ARHGEF7: variants seen among roughly 807,000 people sequenced by gnomAD.
ARHGEF7 encodes the protein Rho guanine nucleotide exchange factor 7, also known as PAK-interacting exchange factor beta.
Under a neutral mutation model 109.8 loss-of-function variants are expected in ARHGEF7, and 33 were observed. The ratio of observed to expected loss-of-function variants is 0.30; its 90% CI spans 0.23 to 0.40. The LOEUF is 0.40. Ranked by LOEUF, ARHGEF7 falls within the 10% of genes least tolerant of loss-of-function variation. The pLI is 1.00. For synonymous variants in ARHGEF7, 458 were observed against 424.6 expected (o/e 1.08, Z -0.97); for missense variants, 938 against 1,098.5 (o/e 0.85, Z 2.07).
chr13:111,217,648 A>G lies in ARHGEF7; in HGVS notation c.469-31A>G, dbSNP rs372175572. On this transcript the variant is annotated intron_variant, in intron 4 of 21. Transcript: ENST00000646102. Reference sequence around the variant, plus strand: ...TAATGAAGTAGACTGTTCTTGGTATAATTTTTCTCCCACTCTTCTTCCCCT... The same window carrying G: ...TAATGAAGTAGACTGTTCTTGGTATGATTTTTCTCCCACTCTTCTTCCCCT... 46 of 1,578,026 alleles carry G rather than the reference A, an allele frequency of 2.9e-5. No individual in the cohort carries two copies. In the African/African-American group the frequency reaches 4.8e-4, roughly 17 times the overall value.
chr13:111,253,527 C>T (rs899714138), intron 8 of ARHGEF7, among the ~76,000 whole-genome samples: 1 of 152,092 alleles, frequency 6.6e-6, no homozygotes, highest in African/African-American at 2.4e-5. Context: ...ACTAAAATAC[C>T]CAGTAACTCT....
chr13:111,216,710 C>T (rs1250654404), intron 4 of ARHGEF7, among the ~76,000 whole-genome samples: 1 of 152,178 alleles, frequency 6.6e-6, no homozygotes, highest in East Asian at 1.9e-4. Context: ...CGCTTACCAT[C>T]AGTGGTAGGG....
chr13:111,241,351 C>T (rs528157342), intron 6 of ARHGEF7: 41 of 1,535,928 alleles, frequency 2.7e-5, no homozygotes, highest in Non-Finnish European at 3.1e-5. Context: ...GTGGCACCCC[C>T]GGCTGCGCCC....
At chr13:111,210,531 A>C (rs1209485792) in intron 4 of ARHGEF7, among the ~76,000 whole-genome samples, 7 of 152,214 alleles carry the variant, frequency 4.6e-5, no homozygotes, top group South Asian at 2.1e-4. Context: ...ATGATCGAAC[A>C]GTTGTCGTGG....
chr13:111,115,929 G>T (rs2066724909), intron 1 of ARHGEF7, among the ~76,000 whole-genome samples: 1 of 151,524 alleles, frequency 6.6e-6, no homozygotes, highest in Admixed American at 6.6e-5. Flanking sequence ...CGCGGGCGGC[G>T]GGGGTCCCCG....
At position 111,301,042 on chromosome 13, in the gene ARHGEF7, G is replaced by A. The variant is rs187439679; in HGVS notation, c.2411+195G>A. 2.5e-3 allele frequency among the ~76,000 whole-genome samples: 375 copies of A among 152,020 alleles called. 2 individuals carry two copies. The highest frequency in any genetic ancestry group is 4.6e-3 in the Admixed American group (71 of 15,284). ...CAGCTCACTGCAACCTCCACCTTCC[G>A]GGTTCAAGCGGTTCTCCTGCCTCAG... On this transcript the variant is annotated intron_variant, in intron 20 of 21. Transcript: ENST00000646102.
At chr13:111,267,468 G>C in intron 8 of ARHGEF7, 80 bp from the exon 9 acceptor site, 2 of 1,574,264 alleles carry the variant, frequency 1.3e-6, no homozygotes, top group East Asian at 2.3e-5. Context: ...TCCTTACTCA[G>C]AGTATTATAT....
chr13:111,219,750 A>G (rs2083584061), intron 5 of ARHGEF7, among the ~76,000 whole-genome samples: 1 of 152,148 alleles, frequency 6.6e-6, no homozygotes, highest in Non-Finnish European at 1.5e-5. Flanking sequence ...TTTTTATTAT[A>G]ATAAATCGAC....
intron 1 of ARHGEF7, among the ~76,000 whole-genome samples, chr13:111,147,814 C>T (rs1297355656): frequency 1.3e-5 from 2 of 150,050 alleles, no homozygotes; most frequent in Non-Finnish European, 3.0e-5. Context: ...TCTCCTGCCT[C>T]AGCCTCCCAA....
intron 2 of ARHGEF7, among the ~76,000 whole-genome samples, chr13:111,161,359 G>A (rs914055372): frequency 6.6e-6 from 1 of 152,266 alleles, no homozygotes; most frequent in East Asian, 1.9e-4. Context: ...ACGGTATAGG[G>A]GGAGGGAATG....
intron 5 of ARHGEF7, among the ~76,000 whole-genome samples, chr13:111,218,616 T>C (rs891953679): frequency 1.3e-5 from 2 of 152,132 alleles, no homozygotes; most frequent in African/African-American, 4.8e-5. Flanking sequence ...AGAGAATAGC[T>C]GATACACAGG....
chr13:111,121,874 G>C (rs568509618), intron 1 of ARHGEF7, among the ~76,000 whole-genome samples: 1 of 152,344 alleles, frequency 6.6e-6, no homozygotes, highest in East Asian at 1.9e-4. Flanking sequence ...ATCCACTGGT[G>C]GGGGCAGTGA....
intron 4 of ARHGEF7, among the ~76,000 whole-genome samples, chr13:111,215,473 A>G (rs1257974446): frequency 6.6e-6 from 1 of 151,812 alleles, no homozygotes; most frequent in Non-Finnish European, 1.5e-5. Flanking sequence ...TGACCTGCAT[A>G]AATGCCTAGG....
At chr13:111,221,393 CTATAT>C (rs2084075891) in intron 5 of ARHGEF7, among the ~76,000 whole-genome samples, 1 of 5,458 alleles carries the variant, frequency 1.8e-4, no homozygotes, top group African/African-American at 4.0e-4. Flanking sequence ...ATATAGATGT[CTATAT>C]ATCTATATAT....
intron 5 of ARHGEF7, among the ~76,000 whole-genome samples, chr13:111,227,342 C>T (rs4771738): frequency 0.45 from 67,865 of 152,032 alleles, 15,854 homozygotes; most frequent in South Asian, 0.56. Flanking sequence ...TCAGTTGATA[C>T]TGGCACACTT....
chr13:111,221,482 T>TAG (rs2084203253), intron 5 of ARHGEF7, among the ~76,000 whole-genome samples: 1 of 55,682 alleles, frequency 1.8e-5, no homozygotes. Flanking sequence ...TATATATAGA[T>TAG]ATATATAGAC....
chr13:111,302,891 T>G (rs530232461), intron 21 of ARHGEF7, 100 bp from the exon 22 acceptor site: 1 of 1,475,604 alleles, frequency 6.8e-7, no homozygotes, highest in African/African-American at 1.4e-5. Flanking sequence ...TGGGATTTCA[T>G]GAATCGAGGC....
At chr13:111,196,524 G>GC (rs1354525810) in intron 2 of ARHGEF7, among the ~76,000 whole-genome samples, 4 of 152,220 alleles carry the variant, frequency 2.6e-5, no homozygotes, top group Admixed American at 6.5e-5. Flanking sequence ...CCCCAGGTCT[G>GC]CCTGGATCTG....
At position 111,239,790 on chromosome 13, in the gene ARHGEF7, A is replaced by G. The variant is rs1057512910; in HGVS notation, c.760-4082A>G. ...GGATTTCCTTGCTGTATCTGGACTA[A>G]GATGATACAGATGAAGGTTGTCAGG... On this transcript the variant is annotated intron_variant, in intron 6 of 21. Transcript: ENST00000646102. The surrounding 1 kb of genome is among the most constrained non-coding windows in gnomAD (Gnocchi z 4.3). 6.6e-6 allele frequency among the ~76,000 whole-genome samples: 1 copy of G among 152,040 alleles called. No homozygotes were observed. Among genetic ancestry groups the G allele is most frequent in the East Asian group, 1.9e-4 (1 of 5,194 alleles).
Sources: gnomAD v4.1 joint callset for allele counts (sites outside exome capture counted in the v4.1 genomes callset) on GRCh38, gnomAD v4.1.1 for gene constraint, Gnocchi (gnomAD v3.1) non-coding constraint, MANE v1.5 for transcripts, NCBI Gene and HGNC (gene_info 2026-07-23, HGNC 2026-07-21) for gene names.